PPP1R42: variants seen among roughly 807,000 people sequenced by gnomAD.
PPP1R42 encodes leucine rich repeat containing 67.
In PPP1R42, 34 loss-of-function variants were observed where a neutral mutation model predicts 31.0. The ratio of observed to expected loss-of-function variants is 1.10; its 90% CI spans 0.83 to 1.46. The LOEUF is 1.46. Among genes scored for constraint, PPP1R42 ranks in the 40% most tolerant of loss-of-function variants. PPP1R42 has a pLI of 0.00. For missense variants in PPP1R42, 268 were observed against 303.0 expected (o/e 0.88, Z 0.86); for synonymous variants, 103 against 109.8 (o/e 0.94, Z 0.39).
At chr8:67,018,273 C>T (rs1463735814) in intron 1 of PPP1R42, among the ~76,000 whole-genome samples, 2 of 216 alleles carry the variant, frequency 9.3e-3, no homozygotes, top group Non-Finnish European at 0.016. Flanking sequence ...CGTGCTACCA[C>T]GCCCCAGCTA....
chr8:67,017,557 A>G (rs1816053305), intron 2 of PPP1R42, 62 bp downstream of exon 2: 2 of 989,592 alleles, frequency 2.0e-6, no homozygotes, highest in South Asian at 2.5e-5. Context: ...ATGCTCCCAA[A>G]CCAATTCCTA....
At chr8:66,993,319 C>T (rs1054561656) in intron 5 of PPP1R42, among the ~76,000 whole-genome samples, 4 of 152,178 alleles carry the variant, frequency 2.6e-5, no homozygotes, top group East Asian at 1.9e-4. Flanking sequence ...CTTTTCAAAC[C>T]GCTAATCTCC....
intron 5 of PPP1R42, among the ~76,000 whole-genome samples, chr8:67,007,750 A>G (rs752915233): frequency 6.6e-6 from 1 of 152,028 alleles, no homozygotes; most frequent in African/African-American, 2.4e-5. Flanking sequence ...TTTCCATTCT[A>G]TACATGCTAC....
intron 1 of PPP1R42, among the ~76,000 whole-genome samples, chr8:67,020,821 C>T (rs1383951456): frequency 1.3e-5 from 2 of 152,102 alleles, no homozygotes; most frequent in Non-Finnish European, 2.9e-5. Context: ...GGCGGTGGTG[C>T]GTGTTTGTAG....
At chr8:66,981,380 C>CT (rs1175089191) in intron 7 of PPP1R42, among the ~76,000 whole-genome samples, 557 of 136,168 alleles carry the variant, frequency 4.1e-3, no homozygotes, top group African/African-American at 7.7e-3. Context: ...GATTTTTGCA[C>CT]TTTTTTTTTT....
chr8:66,988,281 G>A, intron 6 of PPP1R42, 119 bp downstream of exon 6: 5 of 1,262,692 alleles, frequency 4.0e-6, no homozygotes, highest in Non-Finnish European at 5.0e-6. Flanking sequence ...TGAATTTAAA[G>A]TTGACAATTT....
intron 6 of PPP1R42, chr8:66,985,204 C>G: frequency 8.8e-7 from 1 of 1,131,178 alleles, no homozygotes; most frequent in Non-Finnish European, 1.3e-6. Context: ...TGTCCTTAAT[C>G]GCTGAGCAGT....
chr8:66,984,609 C>G (rs932001244), intron 6 of PPP1R42: 58 of 1,193,140 alleles, frequency 4.9e-5, no homozygotes, highest in Non-Finnish European at 7.1e-5. Flanking sequence ...GATACGTGTA[C>G]CCCCTGTGAA....
At chr8:66,964,431 T>C in intron 7 of PPP1R42, 97 bp from the exon 8 acceptor site, 1 of 469,768 alleles carries the variant, frequency 2.1e-6, no homozygotes, top group South Asian at 2.3e-5. Flanking sequence ...ACAATAACAA[T>C]ATTAAAGGCT....
At chr8:67,021,039 G>A (rs1056726592) in intron 1 of PPP1R42, among the ~76,000 whole-genome samples, 5 of 152,152 alleles carry the variant, frequency 3.3e-5, no homozygotes, top group Non-Finnish European at 7.4e-5. Flanking sequence ...CTATTTAAGT[G>A]ATAAATATCC....
chr8:67,025,560 T>G (rs1367709627), intron 1 of PPP1R42, among the ~76,000 whole-genome samples: 1 of 150,686 alleles, frequency 6.6e-6, no homozygotes, highest in Non-Finnish European at 1.5e-5. Flanking sequence ...TTTTTTTTTG[T>G]GGCTGAGCCT....
chr8:66,966,552 GA>G (rs1399669889), intron 7 of PPP1R42, among the ~76,000 whole-genome samples: 3 of 152,174 alleles, frequency 2.0e-5, no homozygotes, highest in Non-Finnish European at 4.4e-5. Context: ...TTGGGAGGCC[GA>G]GACGGGTGGA....
intron 7 of PPP1R42, among the ~76,000 whole-genome samples, chr8:66,980,838 T>C (rs1585640334): frequency 6.6e-6 from 1 of 151,714 alleles, no homozygotes; most frequent in East Asian, 1.9e-4. Flanking sequence ...AAATCTGTGG[T>C]CAGTTCTTTT....
intron 5 of PPP1R42, among the ~76,000 whole-genome samples, chr8:67,002,557 G>A (rs890338657): frequency 6.6e-6 from 1 of 152,132 alleles, no homozygotes; most frequent in Non-Finnish European, 1.5e-5. Flanking sequence ...GTACTTTGGT[G>A]TAATTGTCTT....
chr8:67,017,501 A>G, intron 2 of PPP1R42, 118 bp downstream of exon 2: 1 of 552,170 alleles, frequency 1.8e-6, no homozygotes, highest in African/African-American at 2.0e-5. Flanking sequence ...CTATCTCAAA[A>G]AAAAAAGTTA....
At chr8:67,003,539 G>A (rs986812474) in intron 5 of PPP1R42, among the ~76,000 whole-genome samples, 1 of 151,566 alleles carries the variant, frequency 6.6e-6, no homozygotes, top group Non-Finnish European at 1.5e-5. Context: ...ATTGTCCAAG[G>A]TCTGAAAAAG....
rs575773927 is a variant in PPP1R42 at position 66,992,060 on chromosome 8, T to C, written c.553-3543A>G. Among the ~76,000 whole-genome samples, 5 of 152,250 alleles carry C rather than the reference T, an allele frequency of 3.3e-5. No homozygotes were observed. In the East Asian group the frequency reaches 9.7e-4, roughly 29 times the overall value. On this transcript the variant is annotated intron_variant, in intron 5 of 7. Coordinates refer to ENST00000685739, the MANE Select transcript of PPP1R42 (RefSeq NM_001364910.1). ...GCCACTGAAAAGGCATTGCTAGCCT[T>C]ATCACTGATCCACACATTGCCAATC... is the stretch of plus-strand genomic sequence containing the variant.
At chr8:67,002,002 C>T (rs540849922) in intron 5 of PPP1R42, among the ~76,000 whole-genome samples, 2 of 152,176 alleles carry the variant, frequency 1.3e-5, no homozygotes, top group African/African-American at 4.8e-5. Context: ...CTTTATTTTG[C>T]CTTCATTTTT....
intron 5 of PPP1R42, among the ~76,000 whole-genome samples, chr8:66,995,479 C>G (rs1482561026): frequency 6.6e-6 from 1 of 152,210 alleles, no homozygotes; most frequent in African/African-American, 2.4e-5. Flanking sequence ...AGCTGGAACT[C>G]AGTGAATGGT....
Sources: gnomAD v4.1 joint callset for allele counts (sites outside exome capture counted in the v4.1 genomes callset) on GRCh38, gnomAD v4.1.1 for gene constraint, MANE v1.5 for transcripts, NCBI Gene and HGNC (gene_info 2026-07-23, HGNC 2026-07-21) for gene names.